The following N4BP2 variants were observed in gnomAD, a reference collection of about 807,000 sequenced individuals.
N4BP2 encodes NEDD4-binding protein 2.
A neutral mutation model predicts 152.8 loss-of-function variants in N4BP2; 91 were observed. The observed-to-expected ratio is 0.60, with a 90% CI of 0.50 to 0.71. The LOEUF is 0.71. Among genes scored for constraint, N4BP2 ranks in the 30% least tolerant of loss-of-function variants. The pLI is 0.00. For synonymous variants in N4BP2, 646 were observed against 705.3 expected, an observed-to-expected ratio of 0.92 and a Z score of 1.33; for missense variants, 1,923 against 2,059.1, an observed-to-expected ratio of 0.93 and a Z score of 1.28.
chr4:40,131,315 T>C (rs1579101670), intron 12 of N4BP2, among the ~76,000 whole-genome samples: 1 of 152,218 alleles, frequency 6.6e-6, no homozygotes, highest in African/African-American at 2.4e-5. Flanking sequence ...AGAACTAAAT[T>C]TGTGGCCTAC....
chr4:40,186,034 T>C, the N4BP2 span, among the ~76,000 whole-genome samples: 23 of 152,296 alleles, frequency 1.5e-4, no homozygotes, highest in East Asian at 4.2e-3. Context: ...AAGAGAAAGC[T>C]ACTGAGATTG....
At chr4:40,170,125 A>C in the N4BP2 span, among the ~76,000 whole-genome samples, 1 of 152,174 alleles carries the variant, frequency 6.6e-6, no homozygotes, top group South Asian at 2.1e-4. Flanking sequence ...TAAAATATAC[A>C]TTTAACTCAA....
intron 1 of N4BP2, among the ~76,000 whole-genome samples, chr4:40,069,577 A>G (rs1163485700): frequency 6.6e-6 from 1 of 152,084 alleles, no homozygotes; most frequent in African/African-American, 2.4e-5. Flanking sequence ...GCATTTTTGA[A>G]TTACATGTTT....
At chr4:40,163,664 C>A in the N4BP2 span, among the ~76,000 whole-genome samples, 1 of 152,168 alleles carries the variant, frequency 6.6e-6, no homozygotes, top group Admixed American at 6.5e-5. Context: ...AAGGCCCAAG[C>A]CAATGTGCTA....
chr4:40,189,913 C>G, the N4BP2 span, among the ~76,000 whole-genome samples: 1 of 141,752 alleles, frequency 7.1e-6, no homozygotes, highest in Non-Finnish European at 1.5e-5. The surrounding 1 kb of genome is among the most constrained non-coding windows in gnomAD (Gnocchi z 4.3). Flanking sequence ...CACACACACA[C>G]AGACACATAC....
chr4:40,090,000 C>T (rs530083020), intron 2 of N4BP2, among the ~76,000 whole-genome samples: 6 of 152,202 alleles, frequency 3.9e-5, no homozygotes, highest in Admixed American at 3.9e-4. Context: ...GATTGATGTC[C>T]ACTTGTTCCA....
At position 40,154,212 on chromosome 4, in the gene N4BP2, G is replaced by A. The variant is rs1276076276; in HGVS notation, c.5288G>A (p.Gly1763Glu). Residue 1763 changes from glycine (G) to glutamate (E), a missense_variant, in exon 18 of 18, where the codon GGG becomes GAG. By Grantham distance (98) the Gly-to-Glu change is moderately conservative. Transcript: ENST00000261435. ...TGCAGGTTCTCTGAAATTAAACCAG[G>A]GTGCTTGAAAGTCATGCTAAAGTAA... ...HSFRFSEIKPGCLKVMLK is the reference protein window; with the variant it reads ...HSFRFSEIKPECLKVMLK 3 of 1,601,272 alleles carry A rather than the reference G, an allele frequency of 1.9e-6. No individual in the cohort carries two copies. Among genetic ancestry groups the A allele is most frequent in the Non-Finnish European group, 2.6e-6 (3 of 1,174,982 alleles).
At chr4:40,148,074 C>T (rs1386771932) in intron 16 of N4BP2, among the ~76,000 whole-genome samples, 15 of 152,310 alleles carry the variant, frequency 9.8e-5, no homozygotes, top group South Asian at 2.1e-4. Flanking sequence ...CTGCAATCTC[C>T]GGCACTTTGG....
At chr4:40,148,662 T>G (rs889172275) in intron 16 of N4BP2, among the ~76,000 whole-genome samples, 1 of 152,190 alleles carries the variant, frequency 6.6e-6, no homozygotes, top group Non-Finnish European at 1.5e-5. Flanking sequence ...ATTTTTATTT[T>G]TATTTAAAAG....
intron 2 of N4BP2, among the ~76,000 whole-genome samples, chr4:40,095,150 C>T (rs1438868340): frequency 5.3e-5 from 8 of 151,926 alleles, no homozygotes; most frequent in Admixed American, 4.6e-4. Flanking sequence ...ATGGCGCTAT[C>T]TTGGCTCACT....
intron 16 of N4BP2, among the ~76,000 whole-genome samples, chr4:40,148,224 A>G (rs565796105): frequency 6.6e-5 from 10 of 152,362 alleles, no homozygotes; most frequent in Non-Finnish European, 1.2e-4. Flanking sequence ...CGAGGCTGGC[A>G]GATCACTCGC....
At chr4:40,078,896 T>C (rs546838143) in intron 2 of N4BP2, among the ~76,000 whole-genome samples, 1 of 152,106 alleles carries the variant, frequency 6.6e-6, no homozygotes, top group East Asian at 1.9e-4. Context: ...TTTAAGAAAA[T>C]CTGTAATAAA....
At position 40,073,499 on chromosome 4, in the gene N4BP2, A is replaced by T. The variant is rs1048559015; in HGVS notation, c.-167A>T. Reference sequence around the variant, plus strand: ...ACAAGAAGAGGTGTAGAGTTTGCATATATCAACTGTGGCCTTAATGAGCAT... The same window carrying T: ...ACAAGAAGAGGTGTAGAGTTTGCATTTATCAACTGTGGCCTTAATGAGCAT... On this transcript the variant is annotated 5_prime_UTR_variant, in exon 2 of 18. Coordinates refer to ENST00000261435, the MANE Select transcript of N4BP2 (RefSeq NM_018177.6). The T allele has an allele frequency of 6.6e-6, 1 of 152,162 alleles. No individual in the cohort carries two copies. The allele number at this position is 152,162 out of a possible 1,614,324, so 9.4% of individuals were successfully genotyped here. A position where few individuals can be genotyped will look rare whatever the true frequency, so the allele number is the denominator to read the frequency against.
the N4BP2 span, among the ~76,000 whole-genome samples, chr4:40,164,279 T>G: frequency 6.6e-6 from 1 of 150,952 alleles, no homozygotes; most frequent in South Asian, 2.1e-4. Context: ...TGGAAGGAGG[T>G]TGTAGGAAGG....
At chr4:40,164,366 A>G in the N4BP2 span, among the ~76,000 whole-genome samples, 2 of 152,184 alleles carry the variant, frequency 1.3e-5, no homozygotes, top group Non-Finnish European at 2.9e-5. Context: ...GTGGCTGAGC[A>G]TGGAGATGAT....
rs371256921 is a variant in N4BP2 at position 40,093,275 on chromosome 4, G to T, written c.-114-3952G>T. ...TACTCTTTATTATTTTCTTCTTTCT[G>T]CTGGGTTTGAGTTTATTTGCCCTTC... On this transcript the variant is annotated intron_variant, in intron 2 of 17. Coordinates refer to ENST00000261435, the MANE Select transcript of N4BP2 (RefSeq NM_018177.6). 4.7e-4 allele frequency among the ~76,000 whole-genome samples: 72 copies of T among 152,204 alleles called. No homozygotes were observed. In the South Asian group the frequency reaches 0.015, roughly 32 times the overall value.
intron 2 of N4BP2, among the ~76,000 whole-genome samples, chr4:40,092,390 C>T (rs891941887): frequency 1.8e-4 from 28 of 151,374 alleles, no homozygotes; most frequent in Admixed American, 5.9e-4. Context: ...GTTTTTGAGA[C>T]ATTGGTCCAT....
chr4:40,178,513 TG>T, the N4BP2 span, among the ~76,000 whole-genome samples: 16 of 152,280 alleles, frequency 1.1e-4, no homozygotes, highest in South Asian at 1.9e-3. Context: ...TTGTAACTAG[TG>T]GTACTTGGGC....
At chr4:40,110,448 GA>G (rs1716761248) in intron 5 of N4BP2, among the ~76,000 whole-genome samples, 1 of 152,188 alleles carries the variant, frequency 6.6e-6, no homozygotes, top group Non-Finnish European at 1.5e-5. Context: ...TGGTAGGTGT[GA>G]AGTGGTATCT....
Sources: allele counts gnomAD v4.1 joint callset (sites outside exome capture counted in the v4.1 genomes callset), GRCh38; gene constraint gnomAD v4.1.1; non-coding constraint Gnocchi (gnomAD v3.1); transcripts MANE v1.5; gene names NCBI Gene and HGNC (gene_info 2026-07-23, HGNC 2026-07-21).